Variants in TRAPPC9 observed in about 807,000 individuals in gnomAD.
TRAPPC9 encodes trafficking protein particle complex subunit 9.
TRAPPC9 carries 83 observed loss-of-function variants against 124.0 expected under a neutral mutation model. That is an observed-to-expected ratio of 0.67 (90% confidence interval 0.56 to 0.80). The LOEUF is 0.80. TRAPPC9 is among the 30% of genes least tolerant of loss of function. The pLI is 0.00. For missense variants in TRAPPC9, 1,302 were observed against 1,508.3 expected (o/e 0.86, Z 2.27); for synonymous variants, 638 against 617.5 (o/e 1.03, Z -0.49).
chr8:139,948,265 ACAC>A (rs1834400760), intron 19 of TRAPPC9, among the ~76,000 whole-genome samples: 2 of 60,256 alleles, frequency 3.3e-5, no homozygotes, highest in African/African-American at 3.2e-5. Flanking sequence ...ACACACACAC[ACAC>A]ACACACACAC....
chr8:140,345,017 C>T (rs767978957), intron 9 of TRAPPC9, among the ~76,000 whole-genome samples: 21 of 152,162 alleles, frequency 1.4e-4, no homozygotes, highest in Non-Finnish European at 2.8e-4. Context: ...AGCAGTGGGG[C>T]GGGCAGGGGC....
chr8:140,191,866 TGA>T (rs1260192305), intron 17 of TRAPPC9, among the ~76,000 whole-genome samples: 1 of 152,164 alleles, frequency 6.6e-6, no homozygotes, highest in African/African-American at 2.4e-5. Flanking sequence ...AGCACAGGTC[TGA>T]GAGTCTGTAA....
intron 19 of TRAPPC9, among the ~76,000 whole-genome samples, chr8:139,936,016 C>G (rs1322891443): frequency 6.6e-6 from 1 of 152,232 alleles, no homozygotes; most frequent in African/African-American, 2.4e-5. Flanking sequence ...CTGCCCAGGG[C>G]TTGGGGAACC....
rs765656679 is a variant in TRAPPC9, at chr8:140,018,324, A to ATTTTTTCTTT, written c.2699+5612_2699+5613insAAAGAAAAAA. Among the ~76,000 whole-genome samples the ATTTTTTCTTT allele has an allele frequency of 1.5e-4, 18 of 119,786 alleles. 8 individuals are homozygous for ATTTTTTCTTT. The highest frequency in any genetic ancestry group is 2.0e-4 in the Non-Finnish European group (12 of 59,270). 78.6% of individuals were successfully genotyped at this position (119,786 alleles called of 152,430 possible). A position where few individuals can be genotyped will look rare whatever the true frequency, so the allele number is the denominator to read the frequency against. On this transcript the variant is annotated intron_variant, in intron 18 of 22. Transcript: ENST00000438773. The stretch of plus-strand genomic sequence containing the variant: ...TTGCTGGTATATAGAAACGTAAGTG[A>ATTTTTTCTTT]TTTTTTTTTTTTTTTTTGAGACGGA...
chr8:140,297,689 C>T (rs939561992), intron 11 of TRAPPC9, among the ~76,000 whole-genome samples: 3 of 152,228 alleles, frequency 2.0e-5, no homozygotes, highest in Non-Finnish European at 4.4e-5. Context: ...GGGGCCCCCA[C>T]CCCACACCCC....
chr8:140,057,796 T>A (rs1842373350), intron 17 of TRAPPC9, among the ~76,000 whole-genome samples: 1 of 152,198 alleles, frequency 6.6e-6, no homozygotes, highest in South Asian at 2.1e-4. Flanking sequence ...TGTATTGCAC[T>A]CAAAAAAATT....
chr8:140,058,640 A>T (rs1267286955), intron 17 of TRAPPC9, among the ~76,000 whole-genome samples: 2 of 152,234 alleles, frequency 1.3e-5, no homozygotes, highest in Non-Finnish European at 2.9e-5. Context: ...CAAGACAGAC[A>T]GTGGAAGGAG....
intron 19 of TRAPPC9, among the ~76,000 whole-genome samples, chr8:139,918,434 A>T (rs1013566388): frequency 2.0e-5 from 3 of 152,238 alleles, no homozygotes; most frequent in African/African-American, 7.2e-5. Context: ...CGGAGATCCT[A>T]TATCACTACC....
At position 140,252,725 on chromosome 8, in the gene TRAPPC9, T is replaced by TA; in HGVS notation, c.2431+51dup. 6.2e-7 allele frequency: 1 copy of TA among 1,603,676 alleles called. No homozygotes were observed. The highest frequency in any genetic ancestry group is 8.5e-7 in the Non-Finnish European group (1 of 1,177,018). Reference sequence around the variant, plus strand: ...GCAGGCATCAAGGGATGGGGGTTGCTACACAGTATCTAGGACCCTGACGTG... The same window carrying TA: ...GCAGGCATCAAGGGATGGGGGTTGCTAACACAGTATCTAGGACCCTGACGTG... On this transcript the variant is annotated intron_variant, in intron 16 of 22. Coordinates refer to ENST00000438773, the MANE Select transcript of TRAPPC9 (RefSeq NM_001160372.4). The surrounding 1 kb of genome is among the most constrained non-coding windows in gnomAD (Gnocchi z 4.2).
intron 21 of TRAPPC9, among the ~76,000 whole-genome samples, chr8:139,777,723 C>A (rs1453014513): frequency 2.4e-4 from 36 of 152,162 alleles, no homozygotes; most frequent in Admixed American, 2.4e-3. Flanking sequence ...CAACATAAAA[C>A]AATAAAACAG....
At chr8:140,273,224 T>C (rs897941723) in intron 15 of TRAPPC9, among the ~76,000 whole-genome samples, 8 of 152,206 alleles carry the variant, frequency 5.3e-5, no homozygotes, top group Non-Finnish European at 7.3e-5. Flanking sequence ...GTCCAACCTC[T>C]TCACAGGCTG....
chr8:139,729,265 T>G lies in TRAPPC9; in HGVS notation c.*1796A>C, dbSNP rs1250960966. ...TTTGGGGGGACATTGTCTACACAAG[T>G]GAGGTTGGGCTGAGCCCATCATCCT... On this transcript the variant is annotated 3_prime_UTR_variant, in exon 23 of 23. Coordinates refer to ENST00000438773, the MANE Select transcript of TRAPPC9 (RefSeq NM_001160372.4). Among the ~76,000 whole-genome samples, 2 of 152,346 alleles carry G rather than the reference T, an allele frequency of 1.3e-5. No homozygotes were observed. Among genetic ancestry groups the G allele is most frequent in the East Asian group, 3.9e-4 (2 of 5,190 alleles).
chr8:140,337,801 C>T (rs1054213764), intron 9 of TRAPPC9, among the ~76,000 whole-genome samples: 4 of 152,112 alleles, frequency 2.6e-5, no homozygotes, highest in African/African-American at 9.7e-5. Context: ...GAGAGGGCTG[C>T]GAGATGAACC....
intron 7 of TRAPPC9, among the ~76,000 whole-genome samples, chr8:140,372,124 C>G (rs1016274744): frequency 1.3e-5 from 2 of 152,224 alleles, no homozygotes; most frequent in African/African-American, 4.8e-5. Context: ...ACACATTAAT[C>G]ACCTGTGCAA....
chr8:140,172,764 C>G (rs1252837777), intron 17 of TRAPPC9, among the ~76,000 whole-genome samples: 1 of 152,156 alleles, frequency 6.6e-6, no homozygotes, highest in African/African-American at 2.4e-5. Context: ...AAAAATAATT[C>G]TCCTAACCAA....
chr8:139,956,451 G>A (rs1186080231), intron 19 of TRAPPC9, among the ~76,000 whole-genome samples: 1 of 152,194 alleles, frequency 6.6e-6, no homozygotes, highest in African/African-American at 2.4e-5. Flanking sequence ...GTGAGCCACC[G>A]CGCCCGGCCC....
chr8:140,329,340 C>T (rs978428225), intron 9 of TRAPPC9, among the ~76,000 whole-genome samples: 3 of 152,086 alleles, frequency 2.0e-5, no homozygotes, highest in Non-Finnish European at 4.4e-5. Context: ...TCATTTGTGA[C>T]CTTCAAAAAA....
intron 9 of TRAPPC9, among the ~76,000 whole-genome samples, chr8:140,327,243 T>TA (rs944972261): frequency 9.3e-5 from 14 of 150,528 alleles, no homozygotes; most frequent in Admixed American, 7.3e-4. Flanking sequence ...ACAGGACATC[T>TA]AAAAAAAAAG....
At chr8:140,267,563 C>A (rs1401872807) in intron 15 of TRAPPC9, among the ~76,000 whole-genome samples, 3 of 152,234 alleles carry the variant, frequency 2.0e-5, no homozygotes, top group South Asian at 4.1e-4. Flanking sequence ...AGACCTCTTA[C>A]ACTTGGTGTG....
Sources: gnomAD v4.1 joint callset for allele counts (sites outside exome capture counted in the v4.1 genomes callset) on GRCh38, gnomAD v4.1.1 for gene constraint, Gnocchi (gnomAD v3.1) non-coding constraint, MANE v1.5 for transcripts, NCBI Gene and HGNC (gene_info 2026-07-23, HGNC 2026-07-21) for gene names.